UNC13C: variants seen among roughly 807,000 people sequenced by gnomAD.
UNC13C encodes unc-13 homolog C, also known as protein unc-13 homolog C.
UNC13C carries 174 observed loss-of-function variants against 245.4 expected under a neutral mutation model. The observed-to-expected ratio is 0.71, with a 90% confidence interval of 0.63 to 0.80. The LOEUF (loss-of-function observed/expected upper bound fraction) is 0.80, where lower values mean the gene tolerates loss of function less well. Among genes scored for constraint, UNC13C ranks in the 30% least tolerant of loss-of-function variants. UNC13C has a pLI of 0.00. For missense variants in UNC13C, 2,829 were observed against 2,602.9 expected, an observed-to-expected ratio of 1.09 and a Z score of -1.89; for synonymous variants, 992 against 895.1, an observed-to-expected ratio of 1.11 and a Z score of -1.93.
chr15:54,261,455 T>C (rs2036421938), intron 8 of UNC13C, among the ~76,000 whole-genome samples: 1 of 152,252 alleles, frequency 6.6e-6, no homozygotes, highest in African/African-American at 2.4e-5. Flanking sequence ...TCTCTATCTC[T>C]GAGCTAAACA....
chr15:54,141,704 G>A lies in UNC13C; in HGVS notation c.2984-1314G>A, dbSNP rs368746458. Among the ~76,000 whole-genome samples the A allele has an allele frequency of 4.9e-4, 74 of 151,592 alleles. 1 individual carries two copies. In the South Asian group the frequency reaches 0.012, roughly 24 times the overall value. On this transcript the variant is annotated intron_variant, in intron 2 of 32. Coordinates refer to ENST00000260323, the MANE Select transcript of UNC13C (RefSeq NM_001080534.3). ...TGAATATGGTATATTATTCTTCTGCGGTAATGCTAAATTTTATTTATTTTA... is the reference window on the plus strand; with the variant it reads ...TGAATATGGTATATTATTCTTCTGCAGTAATGCTAAATTTTATTTATTTTA...
chr15:54,462,019 T>C (rs1891872316), intron 19 of UNC13C, among the ~76,000 whole-genome samples: 2 of 152,140 alleles, frequency 1.3e-5, no homozygotes, highest in African/African-American at 4.8e-5. Context: ...CTTGAAGGTA[T>C]GACTAGTCAG....
rs967962794 is a variant in UNC13C at position 54,015,073 on chromosome 15, C to A, written c.2170C>A (p.Pro724Thr). 1 of 1,612,680 alleles carries A rather than the reference C, an allele frequency of 6.2e-7. No individual in the cohort carries two copies. The highest frequency in any genetic ancestry group is 2.2e-5 in the East Asian group (1 of 44,838). ...TCAAGATGACAATTCTTCTCCATGCCCTGGCTTGGATAATGAACCACAAGG... is the reference window on the plus strand; with the variant it reads ...TCAAGATGACAATTCTTCTCCATGCACTGGCTTGGATAATGAACCACAAGG... ...LTQDDNSSPC[P>T]GLDNEPQGQW... Residue 724 changes from proline to threonine, a missense_variant, in exon 2 of 33, where the codon CCT becomes ACT. Physicochemically the swap from Pro to Thr is conservative, Grantham distance 38. Transcript: ENST00000260323.
chr15:54,356,734 T>G (rs2039103433), intron 17 of UNC13C, among the ~76,000 whole-genome samples: 1 of 152,206 alleles, frequency 6.6e-6, no homozygotes, highest in South Asian at 2.1e-4. Flanking sequence ...ACTTTAGCAA[T>G]AAAACATATG....
the UNC13C span, among the ~76,000 whole-genome samples, chr15:53,970,403 G>A: frequency 3.8e-4 from 58 of 152,146 alleles, no homozygotes; most frequent in African/African-American, 1.3e-3. Flanking sequence ...AAAATATTCC[G>A]TTGTATATAA....
intron 4 of UNC13C, among the ~76,000 whole-genome samples, chr15:54,163,012 C>T (rs2033034013): frequency 6.6e-6 from 1 of 152,080 alleles, no homozygotes. Context: ...TGTCTCACTC[C>T]TTGTGGTAGA....
intron 7 of UNC13C, among the ~76,000 whole-genome samples, chr15:54,242,475 C>T (rs1457903911): frequency 1.3e-5 from 2 of 151,022 alleles, no homozygotes; most frequent in Non-Finnish European, 2.9e-5. Flanking sequence ...AAATGTGTGC[C>T]ATTTTATCCT....
intron 19 of UNC13C, among the ~76,000 whole-genome samples, chr15:54,440,067 T>C (rs981581667): frequency 6.6e-6 from 1 of 151,866 alleles, no homozygotes; most frequent in Non-Finnish European, 1.5e-5. Flanking sequence ...GGGACGTTAT[T>C]GGGTCATGGG....
At chr15:54,333,675 C>T in intron 15 of UNC13C, 92 bp from the exon 16 acceptor site, 1 of 753,198 alleles carries the variant, frequency 1.3e-6, no homozygotes, top group Non-Finnish European at 2.3e-6. Flanking sequence ...GTTTACTTTC[C>T]ATTTTCTTTC....
At chr15:53,919,414 A>G in the UNC13C span, among the ~76,000 whole-genome samples, 1 of 152,202 alleles carries the variant, frequency 6.6e-6, no homozygotes, top group Admixed American at 6.5e-5. Context: ...CTCTTAGGGT[A>G]GAGCTCACCT....
chr15:53,976,339 A>G (rs1202152355), upstream of UNC13C, among the ~76,000 whole-genome samples: 4 of 152,128 alleles, frequency 2.6e-5, no homozygotes, highest in Non-Finnish European at 2.9e-5. Flanking sequence ...CTTCTTTCCA[A>G]TAAAAACTAA....
At chr15:54,236,018 TA>T (rs11465193) in intron 5 of UNC13C, among the ~76,000 whole-genome samples, 148 of 146,694 alleles carry the variant, frequency 1.0e-3, no homozygotes, top group Middle Eastern at 3.5e-3. Context: ...CATTAGATTG[TA>T]AAAAAAAAAA....
intron 17 of UNC13C, among the ~76,000 whole-genome samples, chr15:54,369,200 C>CA (rs71436277): frequency 1.1e-4 from 17 of 149,292 alleles, no homozygotes; most frequent in South Asian, 6.3e-4. Context: ...CTCCCCCCCC[C>CA]AAAAAAAAAA....
At position 54,165,437 on chromosome 15, in the gene UNC13C, G is replaced by T. The variant is rs145003243; in HGVS notation, c.3071+21753G>T. ...ACAACTATATTAAGTGGTTCCCATT[G>T]CTGCAATTTACAGATGAGGAAATTG... is the stretch of plus-strand genomic sequence containing the variant. On this transcript the variant is annotated intron_variant, in intron 4 of 32. Transcript: ENST00000260323. Among the ~76,000 whole-genome samples, 55 of 152,128 alleles carry T rather than the reference G, an allele frequency of 3.6e-4. No homozygotes were observed. In the East Asian group the frequency reaches 0.01, roughly 29 times the overall value.
intron 19 of UNC13C, among the ~76,000 whole-genome samples, chr15:54,426,308 C>T (rs1379560759): frequency 6.7e-6 from 1 of 148,238 alleles, no homozygotes; most frequent in Non-Finnish European, 1.5e-5. Flanking sequence ...GGTGAAGGTT[C>T]TGCTTCCATA....
At position 54,190,299 on chromosome 15, in the gene UNC13C, C is replaced by T. The variant is rs562915533; in HGVS notation, c.3072-44731C>T. 1.3e-4 allele frequency among the ~76,000 whole-genome samples: 20 copies of T among 152,128 alleles called. No homozygotes were observed. In the East Asian group the frequency reaches 3.9e-3, roughly 29 times the overall value. ...TTTTGCTTAAAAAAGTTTAACAAGA[C>T]AGGTAATTCCTTTGGACAATAAAAA... On this transcript the variant is annotated intron_variant, in intron 4 of 32. Transcript: ENST00000260323.
rs373748968 is a variant in UNC13C, at chr15:54,594,294, G to A, written c.6106+26347G>A. On this transcript the variant is annotated intron_variant, in intron 30 of 32. Transcript: ENST00000260323. The stretch of plus-strand genomic sequence containing the variant: ...GTGGCTGAAAGCTCTTTTTTTGTGC[G>A]GGTTGACCTCCTGCCAGGAGGTGGC... 2.2e-3 allele frequency among the ~76,000 whole-genome samples: 332 copies of A among 152,106 alleles called. 11 individuals carry two copies. In the South Asian group the frequency reaches 0.041, roughly 19 times the overall value.
intron 10 of UNC13C, 101 bp from the exon 11 acceptor site, chr15:54,293,794 A>G (rs905694055): frequency 6.0e-5 from 58 of 964,660 alleles, no homozygotes; most frequent in Non-Finnish European, 7.9e-5. Context: ...ATTATGTAGT[A>G]TATTATGCCT....
intron 17 of UNC13C, among the ~76,000 whole-genome samples, chr15:54,379,241 A>G (rs745709570): frequency 6.6e-6 from 1 of 152,132 alleles, no homozygotes; most frequent in Non-Finnish European, 1.5e-5. Context: ...AAGTCTATCA[A>G]CAGCTAGAAA....
Sources: allele counts gnomAD v4.1 joint callset (sites outside exome capture counted in the v4.1 genomes callset), GRCh38; gene constraint gnomAD v4.1.1; transcripts MANE v1.5; gene names NCBI Gene and HGNC (gene_info 2026-07-23, HGNC 2026-07-21).